Variants in PCDHGB5 observed in about 807,000 individuals in gnomAD.
The protein encoded by PCDHGB5 is protocadherin gamma-B5.
Under a neutral mutation model 62.9 loss-of-function variants are expected in PCDHGB5, and 48 were observed. The observed-to-expected ratio is 0.76, with a 90% CI of 0.61 to 0.97. The LOEUF (loss-of-function observed/expected upper bound fraction) is 0.97, where lower values mean the gene tolerates loss of function less well. Among genes scored for constraint, PCDHGB5 ranks in the 50% least tolerant of loss-of-function variants. The probability of loss-of-function intolerance (pLI) is 0.00; values close to 1 mark genes in which losing one functional copy is unlikely to be tolerated. For synonymous variants in PCDHGB5, 474 were observed against 511.2 expected, an observed-to-expected ratio of 0.93 and a Z score of 0.98; for missense variants, 1,118 against 1,198.6, an observed-to-expected ratio of 0.93 and a Z score of 0.99.
intron 3 of PCDHGB5, 48 bp downstream of exon 3, chr5:141,505,529 T>C (rs1479433990): frequency 1.9e-6 from 3 of 1,612,066 alleles, no homozygotes; most frequent in Non-Finnish European, 2.5e-6. Context: ...CCTGGGGTTC[T>C]GGGGTGCATC....
rs774649069 is a variant in PCDHGB5 at position 141,477,417 on chromosome 5, C to G, written c.2398-17390C>G. The G allele has an allele frequency of 1.2e-6, 2 of 1,614,172 alleles. No individual in the cohort carries two copies. The highest frequency in any genetic ancestry group is 2.7e-5 in the African/African-American group (2 of 75,032). On this transcript the variant is annotated intron_variant, in intron 1 of 3. Coordinates refer to ENST00000617380, the MANE Select transcript of PCDHGB5 (RefSeq NM_018925.3). The surrounding 1 kb of genome is among the most constrained non-coding windows in gnomAD (Gnocchi z 4.9). Reference sequence around the variant, plus strand: ...AGCATCACCGCCCGAGACGCCGGAACCCCTTCCCTCTCAGCCCTTACAATA... The same window carrying G: ...AGCATCACCGCCCGAGACGCCGGAAGCCCTTCCCTCTCAGCCCTTACAATA...
In PCDHGB5 at chr5:141,400,053, G is replaced by C; in HGVS notation, c.1926G>C (p.Val642=). 6.2e-7 allele frequency: 1 copy of C among 1,613,736 alleles called. No individual in the cohort carries two copies. Among genetic ancestry groups the C allele is most frequent in the Non-Finnish European group, 8.5e-7 (1 of 1,179,848 alleles). Reference sequence around the variant, plus strand: ...CCCGCCAGCGCCTGCTGGTTGCTGTGCGTGATGGTGGACAGCCGCCACTCT... The same window carrying C: ...CCCGCCAGCGCCTGCTGGTTGCTGTCCGTGATGGTGGACAGCCGCCACTCT... ...DAARQRLLVA[V]RDGGQPPLSA... Residue 642 remains valine (V), a synonymous_variant, in exon 1 of 4, where the codon GTG becomes GTC. Transcript: ENST00000617380.
intron 1 of PCDHGB5, among the ~76,000 whole-genome samples, chr5:141,425,325 A>G (rs1371591408): frequency 6.6e-6 from 1 of 152,240 alleles, no homozygotes. Context: ...ATCGTGGAGA[A>G]CAAAAAGGAA....
intron 1 of PCDHGB5, among the ~76,000 whole-genome samples, chr5:141,439,406 C>T (rs2098110611): frequency 6.6e-6 from 1 of 152,190 alleles, no homozygotes; most frequent in Non-Finnish European, 1.5e-5. Flanking sequence ...CATGTGCTAA[C>T]ATCACTGAGG....
At chr5:141,430,873 G>C (rs2097319709) in intron 1 of PCDHGB5, 1 of 1,598,842 alleles carries the variant, frequency 6.3e-7, no homozygotes, top group African/African-American at 1.3e-5. Flanking sequence ...TTCCGGAAGA[G>C]CTGGAGAAAG....
intron 1 of PCDHGB5, among the ~76,000 whole-genome samples, chr5:141,449,753 C>T (rs1260240861): frequency 6.6e-6 from 1 of 151,246 alleles, no homozygotes; most frequent in East Asian, 1.9e-4. Context: ...ATTTTTATGA[C>T]ATTTGAGAGT....
intron 2 of PCDHGB5, among the ~76,000 whole-genome samples, chr5:141,502,834 A>G (rs1398558120): frequency 6.7e-6 from 1 of 149,378 alleles, no homozygotes; most frequent in Non-Finnish European, 1.5e-5. Flanking sequence ...GGAAGCCTGG[A>G]CTGGCTGAGC....
intron 1 of PCDHGB5, among the ~76,000 whole-genome samples, chr5:141,425,967 G>A (rs1021171082): frequency 2.0e-5 from 3 of 152,214 alleles, no homozygotes; most frequent in Non-Finnish European, 4.4e-5. Flanking sequence ...CAACACATCA[G>A]TCTAATTCTG....
intron 1 of PCDHGB5, among the ~76,000 whole-genome samples, chr5:141,475,364 G>C (rs2099362607): frequency 6.6e-6 from 1 of 152,200 alleles, no homozygotes; most frequent in Admixed American, 6.5e-5. Flanking sequence ...AATAAAATCT[G>C]AATTGTACTT....
At chr5:141,437,862 C>T (rs535370570) in intron 1 of PCDHGB5, among the ~76,000 whole-genome samples, 5 of 152,002 alleles carry the variant, frequency 3.3e-5, no homozygotes, top group African/African-American at 9.6e-5. Context: ...CTTAGCCTCC[C>T]GAGTAGCTGG....
intron 1 of PCDHGB5, chr5:141,410,537 A>G (rs772317770): frequency 1.1e-5 from 17 of 1,613,760 alleles, no homozygotes; most frequent in African/African-American, 1.3e-5. Flanking sequence ...CAATGAAGAC[A>G]TGGTTTGCAG....
At position 141,477,372 on chromosome 5, in the gene PCDHGB5, CTG is replaced by C; in HGVS notation, c.2398-17432_2398-17431del. On this transcript the variant is annotated intron_variant, in intron 1 of 3. Transcript: ENST00000617380. This position sits in a 1 kb window ranked among gnomAD's most constrained non-coding sequence, Gnocchi z 4.9. ...ACCAGTGCAGACCTGGATCGGGAGA[CTG>C]TGCCAGAATACAACCTCAGCATCAC... The C allele has an allele frequency of 6.2e-7, 1 of 1,614,154 alleles. No homozygotes were observed. The highest frequency in any genetic ancestry group is 8.5e-7 in the Non-Finnish European group (1 of 1,180,030).
intron 1 of PCDHGB5, among the ~76,000 whole-genome samples, chr5:141,461,978 C>T (rs888687367): frequency 2.6e-5 from 4 of 152,216 alleles, no homozygotes; most frequent in African/African-American, 9.6e-5. Flanking sequence ...CATATGCCAC[C>T]ACGCCAGGCT....
chr5:141,453,848 C>T (rs1045684685), intron 1 of PCDHGB5, among the ~76,000 whole-genome samples: 38 of 152,290 alleles, frequency 2.5e-4, no homozygotes, highest in Non-Finnish European at 4.4e-4. Context: ...GTCCACAGAG[C>T]ACTTTGAAAA....
At chr5:141,418,373 C>T (rs936895178) in intron 1 of PCDHGB5, 1 of 1,614,006 alleles carries the variant, frequency 6.2e-7, no homozygotes, top group Non-Finnish European at 8.5e-7. Context: ...CAAATACCAA[C>T]TAAGTCCTAA....
chr5:141,432,482 G>T lies in PCDHGB5; in HGVS notation c.2397+31958G>T, dbSNP rs768206517. 2.5e-6 allele frequency: 4 copies of T among 1,614,060 alleles called. No individual in the cohort carries two copies. Among genetic ancestry groups the T allele is most frequent in the Non-Finnish European group, 3.4e-6 (4 of 1,180,052 alleles). ...CCTCCCCACGGACGGTTCCACTGGC[G>T]TGGAGCTGGCTCCCCGCTCCGCAGA... On this transcript the variant is annotated intron_variant, in intron 1 of 3. Transcript: ENST00000617380. The surrounding 1 kb of genome is among the most constrained non-coding windows in gnomAD (Gnocchi z 6.0).
intron 1 of PCDHGB5, chr5:141,413,424 G>T: frequency 6.2e-7 from 1 of 1,614,086 alleles, no homozygotes; most frequent in Non-Finnish European, 8.5e-7. Flanking sequence ...CTCTGAACCC[G>T]CGCAGCGGCA....
At chr5:141,479,573 C>A (rs1468041584) in intron 1 of PCDHGB5, 1 of 152,230 alleles carries the variant, frequency 6.6e-6, no homozygotes, top group Admixed American at 6.5e-5. Flanking sequence ...GGGATGACAT[C>A]TGTGAATAGC....
At chr5:141,402,971 T>A (rs1589470573) in intron 1 of PCDHGB5, 1 of 1,608,252 alleles carries the variant, frequency 6.2e-7, no homozygotes, top group East Asian at 2.2e-5. Flanking sequence ...TCCAACCAAA[T>A]GCCAGCTCCG....
Sources: allele counts gnomAD v4.1 joint callset (sites outside exome capture counted in the v4.1 genomes callset), GRCh38; gene constraint gnomAD v4.1.1; non-coding constraint Gnocchi (gnomAD v3.1); transcripts MANE v1.5; gene names NCBI Gene and HGNC (gene_info 2026-07-23, HGNC 2026-07-21).